The following FAM118B variants were observed in gnomAD, a reference collection of about 807,000 sequenced individuals.
FAM118B encodes protein FAM118B.
Under a neutral mutation model 38.5 loss-of-function variants are expected in FAM118B, and 24 were observed. That is an observed-to-expected ratio of 0.62 (90% confidence interval 0.45 to 0.88). The LOEUF is 0.88. FAM118B is among the 40% of genes least tolerant of loss of function. The probability of loss-of-function intolerance (pLI) is 0.00; values close to 1 mark genes in which losing one functional copy is unlikely to be tolerated. For synonymous variants in FAM118B, 138 were observed against 156.3 expected (o/e 0.88, Z 0.87); for missense variants, 334 against 420.0 (o/e 0.80, Z 1.79).
chr11:126,240,261 G>A (rs1305921523), intron 3 of FAM118B, among the ~76,000 whole-genome samples: 1 of 150,202 alleles, frequency 6.7e-6, no homozygotes, highest in Non-Finnish European at 1.5e-5. Context: ...AATTCTATTG[G>A]CCACTTTTTT....
intron 4 of FAM118B, among the ~76,000 whole-genome samples, chr11:126,247,575 T>A (rs1024034271): frequency 2.3e-4 from 35 of 152,176 alleles, no homozygotes; most frequent in Admixed American, 2.0e-3. Context: ...ATGTAGTACG[T>A]ATTTGCCAGC....
At position 126,250,842 on chromosome 11, in the gene FAM118B, A is replaced by C. The variant is rs1038564873; in HGVS notation, c.567+109A>C. On this transcript the variant is annotated intron_variant, in intron 5 of 8. Coordinates refer to ENST00000533050, the MANE Select transcript of FAM118B (RefSeq NM_024556.4). The surrounding 1 kb of genome is among the most constrained non-coding windows in gnomAD (Gnocchi z 5.1). ...TATTTATGTAGAGCTAGAAAGGAAA[A>C]ATTTTTTCCCTGGTTGGAGTTTTTG... 3.7e-5 allele frequency: 30 copies of C among 813,928 alleles called. 1 individual carries two copies. Among genetic ancestry groups the C allele is most frequent in the African/African-American group, 7.0e-5 (4 of 57,092 alleles). 50.4% of individuals were successfully genotyped at this position (813,928 alleles called of 1,614,324 possible). A position where few individuals can be genotyped will look rare whatever the true frequency, so the allele number is the denominator to read the frequency against.
Position 126,244,632 on chromosome 11 carries a change from C to T in FAM118B, c.339+3588C>T, listed in dbSNP as rs1231236435. Among the ~76,000 whole-genome samples, 10 of 152,058 alleles carry T rather than the reference C, an allele frequency of 6.6e-5. No homozygotes were observed. Among genetic ancestry groups the T allele is most frequent in the Non-Finnish European group, 1.2e-4 (8 of 68,002 alleles). On this transcript the variant is annotated intron_variant, in intron 4 of 8. Transcript: ENST00000533050. The surrounding 1 kb of genome is among the most constrained non-coding windows in gnomAD (Gnocchi z 4.5). ...CAGCCTGGCCAACATGGTGAAACCC[C>T]GTCTCTACTAAAAATACAAAAATTA...
rs142198634 is a variant in FAM118B at position 126,256,813 on chromosome 11, A to C, written c.943A>C (p.Lys315Gln). 3.7e-6 allele frequency: 6 copies of C among 1,612,636 alleles called. No homozygotes were observed. The African/African-American group carries it at 8.0e-5, about 22-fold the overall frequency. The change falls in exon 7 of 9, where the codon AAG becomes CAG. Residue 315 changes from lysine to glutamine, a missense_variant. By Grantham distance (53) the Lys-to-Gln change is moderately conservative (BLOSUM62 1). Coordinates refer to ENST00000533050, the MANE Select transcript of FAM118B (RefSeq NM_024556.4). The surrounding 1 kb of genome is among the most constrained non-coding windows in gnomAD (Gnocchi z 6.6). Reference sequence around the variant, plus strand: ...CTATGCCGATCTTCCAGAATATTTCAAGCGACTGACATGTGAGATCTCCAC... The same window carrying C: ...CTATGCCGATCTTCCAGAATATTTCCAGCGACTGACATGTGAGATCTCCAC... ...DDYADLPEYF[K>Q]RLTCEISTRG... is the part of the protein sequence containing the mutation.
At chr11:126,222,016 A>ACTTTTGT (rs1197266259) in intron 1 of FAM118B, among the ~76,000 whole-genome samples, 1 of 152,146 alleles carries the variant, frequency 6.6e-6, no homozygotes, top group East Asian at 1.9e-4. Context: ...AAAGGTGTAG[A>ACTTTTGT]CTTGTTAAGA....
chr11:126,228,043 A>G (rs1372813409), intron 1 of FAM118B, among the ~76,000 whole-genome samples: 1 of 151,522 alleles, frequency 6.6e-6, no homozygotes, highest in Non-Finnish European at 1.5e-5. Flanking sequence ...CAAGCATTCT[A>G]CCTTCCTGAG....
At chr11:126,254,221 C>G (rs749053895) in intron 5 of FAM118B, 84 bp from the exon 6 acceptor site, 97 of 1,508,038 alleles carry the variant, frequency 6.4e-5, no homozygotes, top group Non-Finnish European at 8.6e-5. Context: ...AAGTCTAGTC[C>G]TCAAAACAGC....
At chr11:126,260,376 G>A (rs996144434) in intron 7 of FAM118B, 1 of 145,442 alleles carries the variant, frequency 6.9e-6, no homozygotes, top group African/African-American at 2.6e-5. Flanking sequence ...TTTTTTCATA[G>A]TTGTAAACAA....
At chr11:126,225,904 C>A (rs1950133998) in intron 1 of FAM118B, among the ~76,000 whole-genome samples, 1 of 152,130 alleles carries the variant, frequency 6.6e-6, no homozygotes, top group African/African-American at 2.4e-5. Context: ...TGCTTGAACC[C>A]AAGGAGATGG....
chr11:126,252,771 A>C lies in FAM118B; in HGVS notation c.568-1534A>C, dbSNP rs577603709. On this transcript the variant is annotated intron_variant, in intron 5 of 8. Transcript: ENST00000533050. This position sits in a 1 kb window ranked among gnomAD's most constrained non-coding sequence, Gnocchi z 4.7. Reference sequence around the variant, plus strand: ...ATAAATAGGCTGGGCACAGTGGTTCACGTCTGTAATCCCAGCATTTTGGGT... The same window carrying C: ...ATAAATAGGCTGGGCACAGTGGTTCCCGTCTGTAATCCCAGCATTTTGGGT... Among the ~76,000 whole-genome samples, 3 of 152,258 alleles carry C rather than the reference A, an allele frequency of 2.0e-5. No individual in the cohort carries two copies. Among genetic ancestry groups the C allele is most frequent in the Non-Finnish European group, 4.4e-5 (3 of 68,014 alleles).
chr11:126,212,408 C>T (rs1949895241), intron 1 of FAM118B, among the ~76,000 whole-genome samples: 1 of 152,092 alleles, frequency 6.6e-6, no homozygotes, highest in African/African-American at 2.4e-5. Flanking sequence ...TTTATTTTTC[C>T]TCTCCATAGT....
chr11:126,222,675 A>G (rs893289441), intron 1 of FAM118B, among the ~76,000 whole-genome samples: 1 of 152,200 alleles, frequency 6.6e-6, no homozygotes, highest in African/African-American at 2.4e-5. Flanking sequence ...AAATACTACA[A>G]CCTTCCCAAA....
intron 4 of FAM118B, chr11:126,241,262 G>C (rs1389542925): frequency 6.8e-6 from 3 of 444,196 alleles, no homozygotes; most frequent in Non-Finnish European, 1.2e-5. Flanking sequence ...GTGTCTATGA[G>C]AGAGAAATGA....
At chr11:126,246,485 C>T (rs1950420548) in intron 4 of FAM118B, among the ~76,000 whole-genome samples, 1 of 152,192 alleles carries the variant, frequency 6.6e-6, no homozygotes, top group Non-Finnish European at 1.5e-5. Context: ...TGGGATATTA[C>T]TTCCTTGTGT....
chr11:126,256,684 C>T lies in FAM118B; in HGVS notation c.814C>T (p.Leu272=), dbSNP rs954561832. ...GGAGGCTGTCAAGCATAAATCTGAC[C>T]TAGAACATTTCATGCTGGTTCGGAG... ...FLEAVKHKSD[L]EHFMLVRRGD... Residue 272 remains leucine (L), a synonymous_variant, in exon 7 of 9, where the codon CTA becomes TTA. Coordinates refer to ENST00000533050, the MANE Select transcript of FAM118B (RefSeq NM_024556.4). The surrounding 1 kb of genome is among the most constrained non-coding windows in gnomAD (Gnocchi z 6.6). The T allele has an allele frequency of 6.2e-7, 1 of 1,614,176 alleles. No homozygotes were observed. Among genetic ancestry groups the T allele is most frequent in the African/African-American group, 1.3e-5 (1 of 75,028 alleles).
Position 126,256,473 on chromosome 11 carries a change from A to G in FAM118B, c.697-94A>G. ...CCACTTAAGTCTTGCTTAATTGGTC[A>G]TCACAGTCTGCTCAACGTAGCATGA... On this transcript the variant is annotated intron_variant, in intron 6 of 8. Transcript: ENST00000533050. This position sits in a 1 kb window ranked among gnomAD's most constrained non-coding sequence, Gnocchi z 6.6. The G allele has an allele frequency of 8.4e-7, 1 of 1,194,472 alleles. No homozygotes were observed. The highest frequency in any genetic ancestry group is 1.2e-6 in the Non-Finnish European group (1 of 848,404). The allele number at this position is 1,194,472 out of a possible 1,614,324, so 74.0% of individuals were successfully genotyped here.
At chr11:126,245,439 G>T (rs1950407132) in intron 4 of FAM118B, among the ~76,000 whole-genome samples, 1 of 152,126 alleles carries the variant, frequency 6.6e-6, no homozygotes, top group Non-Finnish European at 1.5e-5. Flanking sequence ...AGGATTCTCA[G>T]ATCAGACACT....
chr11:126,261,517 CTG>C (rs1224116905), intron 8 of FAM118B, 33 bp downstream of exon 8: 13 of 1,564,280 alleles, frequency 8.3e-6, no homozygotes, highest in Admixed American at 1.7e-5. Flanking sequence ...ATTTATCACT[CTG>C]TAGCAGAAAG....
chr11:126,262,038 ATTGAC>A (rs1183925441), intron 8 of FAM118B, 77 bp from the exon 9 acceptor site: 4 of 1,388,178 alleles, frequency 2.9e-6, no homozygotes, highest in Admixed American at 1.7e-5. Flanking sequence ...AAGGGTTAGG[ATTGAC>A]TTAAGTATCT....
Sources: allele counts gnomAD v4.1 joint callset (sites outside exome capture counted in the v4.1 genomes callset), GRCh38; gene constraint gnomAD v4.1.1; non-coding constraint Gnocchi (gnomAD v3.1); transcripts MANE v1.5; gene names NCBI Gene and HGNC (gene_info 2026-07-23, HGNC 2026-07-21).